The following NEGR1 variants were observed in gnomAD, a reference collection of about 807,000 sequenced individuals.
The protein encoded by NEGR1 is IgLON family member 4.
A neutral mutation model predicts 40.9 loss-of-function variants in NEGR1; 10 were observed. That is an observed-to-expected ratio of 0.24 (90% CI 0.15 to 0.42). The LOEUF is 0.42. NEGR1 is among the 10% of genes least tolerant of loss of function. The probability of loss-of-function intolerance (pLI) is 1.00; values close to 1 mark genes in which losing one functional copy is unlikely to be tolerated. For synonymous variants in NEGR1, 185 were observed against 166.8 expected (o/e 1.11, Z -0.84); for missense variants, 352 against 438.9 (o/e 0.80, Z 1.77).
chr1:71,909,360 T>A (rs1462512702), intron 2 of NEGR1, among the ~76,000 whole-genome samples: 3 of 152,158 alleles, frequency 2.0e-5, no homozygotes, highest in Non-Finnish European at 4.4e-5. Context: ...ATTCTGAAAA[T>A]TCTATTTTAT....
intron 1 of NEGR1, among the ~76,000 whole-genome samples, chr1:72,161,443 G>A (rs997232416): frequency 4.6e-5 from 7 of 152,078 alleles, no homozygotes; most frequent in African/African-American, 1.2e-4. Flanking sequence ...TGGAGGCATC[G>A]TTGATTGCCA....
At chr1:71,534,306 C>T (rs2101447948) in intron 6 of NEGR1, among the ~76,000 whole-genome samples, 1 of 151,608 alleles carries the variant, frequency 6.6e-6, no homozygotes, top group East Asian at 2.0e-4. Context: ...TAATAAAACC[C>T]TAGTTTAGCA....
chr1:71,632,282 G>A (rs1486724598), intron 4 of NEGR1, among the ~76,000 whole-genome samples: 1 of 151,008 alleles, frequency 6.6e-6, no homozygotes, highest in Non-Finnish European at 1.5e-5. Context: ...ATGTATATAT[G>A]TAAATATATG....
intron 2 of NEGR1, among the ~76,000 whole-genome samples, chr1:71,796,900 G>T (rs769087813): frequency 1.3e-5 from 2 of 152,248 alleles, no homozygotes; most frequent in Non-Finnish European, 2.9e-5. Context: ...AAAGTTGTAG[G>T]TTTTATATAG....
intron 2 of NEGR1, among the ~76,000 whole-genome samples, chr1:71,882,952 A>G (rs1660621936): frequency 6.6e-6 from 1 of 152,136 alleles, no homozygotes. Context: ...AATACCTGGC[A>G]TGGGGTAGGT....
intron 1 of NEGR1, among the ~76,000 whole-genome samples, chr1:71,943,213 A>G (rs1645987560): frequency 6.7e-6 from 1 of 148,556 alleles, no homozygotes; most frequent in South Asian, 2.1e-4. Context: ...ATGTATAGTT[A>G]AGTTTGTTTT....
At chr1:71,760,973 T>C (rs1430277827) in intron 3 of NEGR1, among the ~76,000 whole-genome samples, 1 of 152,224 alleles carries the variant, frequency 6.6e-6, no homozygotes, top group African/African-American at 2.4e-5. Flanking sequence ...ATTTAAACAA[T>C]AGATCCCAGC....
At chr1:72,016,286 T>G (rs8179360) in intron 1 of NEGR1, among the ~76,000 whole-genome samples, 26,469 of 152,132 alleles carry the variant, frequency 0.17, 2,940 homozygotes, top group East Asian at 0.44. Flanking sequence ...ATTTCTAATG[T>G]AATCATTAAA....
At chr1:71,475,443 T>C (rs892251786) in intron 6 of NEGR1, among the ~76,000 whole-genome samples, 3 of 152,064 alleles carry the variant, frequency 2.0e-5, no homozygotes, top group African/African-American at 7.2e-5. Context: ...TAATCTGAGA[T>C]TTTTGTGATA....
At chr1:72,096,981 T>C (rs932023669) in intron 1 of NEGR1, among the ~76,000 whole-genome samples, 2 of 152,190 alleles carry the variant, frequency 1.3e-5, no homozygotes, top group South Asian at 2.1e-4. Context: ...CGCACCCAGC[T>C]GTAGTTATAT....
intron 2 of NEGR1, among the ~76,000 whole-genome samples, chr1:71,884,354 C>T (rs1456193881): frequency 2.0e-5 from 3 of 152,162 alleles, no homozygotes; most frequent in African/African-American, 4.8e-5. Flanking sequence ...ATACCCCCAT[C>T]CATACACACA....
At chr1:71,743,346 C>A (rs1456796079) in intron 3 of NEGR1, among the ~76,000 whole-genome samples, 1 of 150,028 alleles carries the variant, frequency 6.7e-6, no homozygotes, top group Non-Finnish European at 1.5e-5. Flanking sequence ...TAGGAAACTG[C>A]AGTTACTTGT....
chr1:72,033,122 A>AGCTT (rs1390821491), intron 1 of NEGR1, among the ~76,000 whole-genome samples: 10 of 152,170 alleles, frequency 6.6e-5, no homozygotes, highest in Admixed American at 1.3e-4. Context: ...AATAGCAAGA[A>AGCTT]CACTTCTAAA....
intron 4 of NEGR1, among the ~76,000 whole-genome samples, chr1:71,647,209 C>T (rs1189518399): frequency 6.6e-6 from 1 of 151,764 alleles, no homozygotes; most frequent in Non-Finnish European, 1.5e-5. Flanking sequence ...AGGAAAGTTT[C>T]ATTTCTCACC....
At chr1:71,920,864 T>G (rs570744369) in intron 2 of NEGR1, among the ~76,000 whole-genome samples, 1 of 152,316 alleles carries the variant, frequency 6.6e-6, no homozygotes, top group South Asian at 2.1e-4. Context: ...CTACAGCCTC[T>G]CTGTAAGTTA....
chr1:71,650,738 G>A (rs2101581794), intron 4 of NEGR1, among the ~76,000 whole-genome samples: 1 of 152,048 alleles, frequency 6.6e-6, no homozygotes, highest in Admixed American at 6.5e-5. Context: ...ATCACCATGT[G>A]CTCTAAAATG....
chr1:72,003,517 A>G (rs557570729), intron 1 of NEGR1, among the ~76,000 whole-genome samples: 3 of 152,220 alleles, frequency 2.0e-5, no homozygotes, highest in African/African-American at 7.2e-5. Context: ...AAAAGCTAAG[A>G]TTTGGATACT....
chr1:72,113,450 T>G (rs1476028698), intron 1 of NEGR1, among the ~76,000 whole-genome samples: 1 of 150,538 alleles, frequency 6.6e-6, no homozygotes. Context: ...AAAAAATATG[T>G]GTTTAGAAAA....
chr1:71,942,297 A>G (rs1447214750), intron 1 of NEGR1, among the ~76,000 whole-genome samples: 5 of 150,086 alleles, frequency 3.3e-5, no homozygotes, highest in African/African-American at 9.8e-5. Context: ...GATGGGAAAA[A>G]AAACTGAAAA....
Sources: allele counts gnomAD v4.1 joint callset (sites outside exome capture counted in the v4.1 genomes callset), GRCh38; gene constraint gnomAD v4.1.1; transcripts MANE v1.5; gene names NCBI Gene and HGNC (gene_info 2026-07-23, HGNC 2026-07-21).